Variants in ZNF674 observed in about 807,000 individuals in gnomAD.
ZNF674 encodes the protein zinc finger protein 674, also known as zinc finger family member 674.
Under a neutral mutation model 7.0 loss-of-function variants are expected in ZNF674, and 2 were observed. The observed-to-expected ratio is 0.29, with a 90% CI of 0.12 to 0.90. The LOEUF (loss-of-function observed/expected upper bound fraction) is 0.90, where lower values mean the gene tolerates loss of function less well. Ranked by LOEUF, ZNF674 falls within the 40% of genes least tolerant of loss-of-function variation. ZNF674 has a pLI of 0.57. For missense variants in ZNF674, 297 were observed against 415.5 expected (o/e 0.71, Z 2.48); for synonymous variants, 103 against 145.2 (o/e 0.71, Z 2.09).
At chrX:46,513,442 C>CTG (rs201241890) in intron 5 of ZNF674, among the ~76,000 whole-genome samples, 1 of 111,265 alleles carries the variant, frequency 9.0e-6, no homozygotes, top group Non-Finnish European at 1.9e-5. Context: ...ATCTATAATT[C>CTG]TGTGTGTGTG....
intron 5 of ZNF674, among the ~76,000 whole-genome samples, chrX:46,501,630 T>TTA (rs531715180): frequency 0.03 from 3,124 of 105,304 alleles, 87 homozygotes; most frequent in African/African-American, 0.082. Context: ...GGCTTAAAGC[T>TTA]TATATATATA....
intron 5 of ZNF674, chrX:46,523,724 T>C (rs1411285902): frequency 2.7e-5 from 3 of 111,623 alleles, no homozygotes; most frequent in African/African-American, 6.5e-5. Context: ...AAAAGAGTTA[T>C]CTGAATATAC....
chrX:46,507,597 G>A (rs1487405733), intron 5 of ZNF674, among the ~76,000 whole-genome samples: 1 of 111,423 alleles, frequency 9.0e-6, no homozygotes, highest in Admixed American at 9.7e-5. Flanking sequence ...GGTATCCATG[G>A]AGGTTCTGGA....
intron 5 of ZNF674, among the ~76,000 whole-genome samples, chrX:46,519,252 AGAT>A (rs1191956949): frequency 0.014 from 1,049 of 74,579 alleles, 12 homozygotes; most frequent in Middle Eastern, 0.03. Flanking sequence ...ATAGATAGAT[AGAT>A]AGATAGATAA....
intron 5 of ZNF674, among the ~76,000 whole-genome samples, chrX:46,526,846 T>C (rs1233831124): frequency 1.8e-5 from 2 of 111,431 alleles, no homozygotes; most frequent in Non-Finnish European, 3.8e-5. Context: ...ACAAAAGGCA[T>C]GAACCATAAA....
intron 5 of ZNF674, among the ~76,000 whole-genome samples, chrX:46,507,179 C>A (rs1236883171): frequency 9.0e-6 from 1 of 110,672 alleles, no homozygotes; most frequent in Non-Finnish European, 1.9e-5. Context: ...AGTGAGACCC[C>A]GTCTCTATGA....
In ZNF674 at chrX:46,528,511, C is replaced by T; in HGVS notation, c.143-66G>A. 3 of 1,119,344 alleles carry T rather than the reference C, an allele frequency of 2.7e-6. No individual in the cohort carries two copies. The South Asian group carries it at 5.5e-5, about 20-fold the overall frequency. The allele number at this position is 1,119,344 out of a possible 1,213,427, so 92.2% of individuals were successfully genotyped here. ...GAGGAATTCCAGAACCTAGGCCCACCCCTGCAGGCTGAAGGTGGCACGGCC... is the reference window on the plus strand; with the variant it reads ...GAGGAATTCCAGAACCTAGGCCCACTCCTGCAGGCTGAAGGTGGCACGGCC... On this transcript the variant is annotated intron_variant, in intron 4 of 5. Coordinates refer to ENST00000683375, the MANE Select transcript of ZNF674 (RefSeq NM_001190417.2).
chrX:46,538,285 G>A (rs762650081), intron 3 of ZNF674, among the ~76,000 whole-genome samples: 234 of 111,089 alleles, frequency 2.1e-3, no homozygotes, highest in African/African-American at 7.1e-3. Flanking sequence ...CCACATAACT[G>A]AAATACCATT....
At chrX:46,522,712 T>TTG (rs756075733) in intron 5 of ZNF674, among the ~76,000 whole-genome samples, 2 of 111,923 alleles carry the variant, frequency 1.8e-5, no homozygotes, top group Non-Finnish European at 3.8e-5. Flanking sequence ...GTACTTTTAA[T>TTG]TGTGTGATAC....
At chrX:46,534,641 G>A (rs1250398129) in intron 3 of ZNF674, among the ~76,000 whole-genome samples, 1 of 111,726 alleles carries the variant, frequency 9.0e-6, no homozygotes, top group Non-Finnish European at 1.9e-5. Flanking sequence ...AATTACTGGT[G>A]TGAGCCACCG....
At position 46,500,178 on chromosome X, in the gene ZNF674, A is replaced by AT; in HGVS notation, c.1395dup (p.Cys466MetfsTer9). On this transcript the variant is annotated frameshift_variant, in exon 6 of 6. Transcript: ENST00000683375. LOFTEE classifies it low-confidence loss of function (END_TRUNC). Reference sequence around the variant, plus strand: ...CTAAAGGCTTTCCCACATTCGTTGCATTTATAGGGTTTCTCTCCTGTATGC... The same window carrying AT: ...CTAAAGGCTTTCCCACATTCGTTGCATTTTATAGGGTTTCTCTCCTGTATGC... The AT allele has an allele frequency of 8.3e-7, 1 of 1,211,310 alleles. No individual in the cohort carries two copies. The highest frequency in any genetic ancestry group is 1.1e-6 in the Non-Finnish European group (1 of 895,336).
chrX:46,515,537 G>C (rs1307695256), intron 5 of ZNF674, among the ~76,000 whole-genome samples: 1 of 111,761 alleles, frequency 8.9e-6, no homozygotes, highest in Non-Finnish European at 1.9e-5. Flanking sequence ...TTCCCAGCTT[G>C]TTCTGTGATC....
intron 5 of ZNF674, among the ~76,000 whole-genome samples, chrX:46,516,984 A>G (rs1378989970): frequency 1.8e-5 from 2 of 109,216 alleles, no homozygotes; most frequent in African/African-American, 6.7e-5. Context: ...AGCCTGGGCA[A>G]CAGAGTGAAA....
intron 5 of ZNF674, among the ~76,000 whole-genome samples, chrX:46,509,657 G>A (rs1232916723): frequency 1.0e-5 from 1 of 98,358 alleles, no homozygotes; most frequent in Non-Finnish European, 2.0e-5. Context: ...TGGAGAGGAT[G>A]TGGAGAAATA....
At chrX:46,533,235 A>T (rs1942140336) in intron 3 of ZNF674, among the ~76,000 whole-genome samples, 2 of 110,961 alleles carry the variant, frequency 1.8e-5, no homozygotes, top group African/African-American at 6.6e-5. Context: ...GGACTGGCCA[A>T]CCTCCACCAA....
chrX:46,529,159 A>G (rs1422925227), intron 3 of ZNF674: 10 of 456,422 alleles, frequency 2.2e-5, no homozygotes, highest in Non-Finnish European at 3.7e-5. Context: ...TGGCTCCCGC[A>G]TCCACGCTGG....
chrX:46,508,907 C>T (rs1188248404), intron 5 of ZNF674, among the ~76,000 whole-genome samples: 2 of 111,007 alleles, frequency 1.8e-5, no homozygotes, highest in Non-Finnish European at 3.8e-5. Context: ...ATGTCATCTG[C>T]AAACAGGGAC....
intron 5 of ZNF674, among the ~76,000 whole-genome samples, chrX:46,507,948 T>C (rs771998159): frequency 5.2e-4 from 58 of 112,235 alleles, no homozygotes; most frequent in Non-Finnish European, 9.6e-4. Flanking sequence ...TTTCAGATAA[T>C]CAATATCCTA....
At position 46,499,293 on chromosome X, in the gene ZNF674, G is replaced by A. The variant is rs1215075392; in HGVS notation, c.*550C>T. The A allele has an allele frequency of 9.0e-6, 1 of 111,676 alleles. No individual in the cohort carries two copies. Among genetic ancestry groups the A allele is most frequent in the African/African-American group, 3.3e-5 (1 of 30,687 alleles). The allele number at this position is 111,676 out of a possible 1,213,427, so 9.2% of individuals were successfully genotyped here. A position where few individuals can be genotyped will look rare whatever the true frequency, so the allele number is the denominator to read the frequency against. ...CCCTCCTACTTCAACCTCCTGAGTA[G>A]CTGGGACTAAAGGTATGCACCACTA... On this transcript the variant is annotated 3_prime_UTR_variant, in exon 6 of 6. Coordinates refer to ENST00000683375, the MANE Select transcript of ZNF674 (RefSeq NM_001190417.2).
Sources: gnomAD v4.1 joint callset for allele counts (sites outside exome capture counted in the v4.1 genomes callset) on GRCh38, gnomAD v4.1.1 for gene constraint, MANE v1.5 for transcripts, NCBI Gene and HGNC (gene_info 2026-07-23, HGNC 2026-07-21) for gene names.